GABRG1: variants seen among roughly 807,000 people sequenced by gnomAD.
The protein encoded by GABRG1 is gamma-aminobutyric acid receptor subunit gamma-1.
A neutral mutation model predicts 49.8 loss-of-function variants in GABRG1; 49 were observed. The ratio of observed to expected loss-of-function variants is 0.98; its 90% CI spans 0.78 to 1.25. The LOEUF (loss-of-function observed/expected upper bound fraction) is 1.25, where lower values mean the gene tolerates loss of function less well. Among genes scored for constraint, GABRG1 ranks in the 50% most tolerant of loss-of-function variants. GABRG1 has a pLI of 0.00. For missense variants in GABRG1, 552 were observed against 552.3 expected (o/e 1.00, Z 0.01); for synonymous variants, 232 against 185.1 (o/e 1.25, Z -2.06).
intron 7 of GABRG1, 46 bp from the exon 8 acceptor site, chr4:46,051,684 C>A (rs781246306): frequency 2.5e-6 from 3 of 1,183,812 alleles, no homozygotes; most frequent in Non-Finnish European, 3.7e-6. Flanking sequence ...TAATAGACCA[C>A]ATTTATTCTT....
intron 1 of GABRG1, among the ~76,000 whole-genome samples, chr4:46,117,485 A>G (rs989341422): frequency 6.7e-6 from 1 of 149,660 alleles, no homozygotes; most frequent in South Asian, 2.1e-4. Context: ...TAGGAAATCT[A>G]TATACAAAAA....
At chr4:46,090,911 G>A (rs1719960616) in intron 2 of GABRG1, among the ~76,000 whole-genome samples, 1 of 147,874 alleles carries the variant, frequency 6.8e-6, no homozygotes. Context: ...GGGCTATCAG[G>A]ACAGCTAGGA....
rs569005383 is a variant in GABRG1, at chr4:46,054,165, C to T, written c.917-2527G>A. On this transcript the variant is annotated intron_variant, in intron 7 of 8. Coordinates refer to ENST00000295452, the MANE Select transcript of GABRG1 (RefSeq NM_173536.4). The stretch of plus-strand genomic sequence containing the variant: ...CAAAGATCAGATAGTTGTAGATATG[C>T]GGCATTATTTCTGAGGGCTCTGTTC... Among the ~76,000 whole-genome samples, 62 of 43,202 alleles carry T rather than the reference C, an allele frequency of 1.4e-3. 10 individuals carry two copies. Among genetic ancestry groups the T allele is most frequent in the African/African-American group, 7.2e-3 (53 of 7,312 alleles). The allele number at this position is 43,202 out of a possible 152,430, so 28.3% of individuals were successfully genotyped here.
rs1717520074 is a variant in GABRG1 at position 46,036,263 on chromosome 4, T to C, written c.*4725A>G. On this transcript the variant is annotated 3_prime_UTR_variant, in exon 9 of 9. Coordinates refer to ENST00000295452, the MANE Select transcript of GABRG1 (RefSeq NM_173536.4). ...ACAGTAGACTATTTCTACCTGCAAT[T>C]CTCTTATTCTCTTTGTCCAAATATA... 1 of 151,722 alleles carries C rather than the reference T, an allele frequency of 6.6e-6. No individual in the cohort carries two copies. The highest frequency in any genetic ancestry group is 6.6e-5 in the Admixed American group (1 of 15,196). 9.4% of individuals were successfully genotyped at this position (151,722 alleles called of 1,614,324 possible). A position where few individuals can be genotyped will look rare whatever the true frequency, so the allele number is the denominator to read the frequency against.
At chr4:46,066,608 G>A (rs1475061206) in intron 3 of GABRG1, among the ~76,000 whole-genome samples, 1 of 152,110 alleles carries the variant, frequency 6.6e-6, no homozygotes, top group Non-Finnish European at 1.5e-5. Context: ...TATAATGGTG[G>A]TTATAGTGAA....
intron 8 of GABRG1, among the ~76,000 whole-genome samples, chr4:46,046,913 A>T (rs1393150369): frequency 6.6e-6 from 1 of 152,164 alleles, no homozygotes; most frequent in Non-Finnish European, 1.5e-5. Context: ...CTAACAAGAC[A>T]AAATGTAAAT....
At chr4:46,072,229 TAGTAGAC>T (rs2109414107) in intron 3 of GABRG1, among the ~76,000 whole-genome samples, 1 of 152,234 alleles carries the variant, frequency 6.6e-6, no homozygotes, top group African/African-American at 2.4e-5. Flanking sequence ...CCACAGTATG[TAGTAGAC>T]TATACCATGT....
intron 2 of GABRG1, among the ~76,000 whole-genome samples, chr4:46,085,525 A>G (rs1026920063): frequency 2.0e-5 from 3 of 151,562 alleles, no homozygotes; most frequent in African/African-American, 4.8e-5. Context: ...TTTTTGAGTT[A>G]TTCTGTTCAC....
At chr4:46,089,407 C>G (rs1163560212) in intron 2 of GABRG1, among the ~76,000 whole-genome samples, 2 of 151,910 alleles carry the variant, frequency 1.3e-5, no homozygotes, top group Admixed American at 6.6e-5. Context: ...AAACGTAGAC[C>G]AATCTTCTTT....
At chr4:46,122,499 G>A (rs879288337) in intron 1 of GABRG1, among the ~76,000 whole-genome samples, 2 of 151,372 alleles carry the variant, frequency 1.3e-5, no homozygotes, top group African/African-American at 2.4e-5. Flanking sequence ...GTTTATGTTC[G>A]TGTCAAACAT....
intron 3 of GABRG1, among the ~76,000 whole-genome samples, chr4:46,077,702 AG>A (rs1232215898): frequency 6.6e-6 from 1 of 151,886 alleles, no homozygotes; most frequent in Non-Finnish European, 1.5e-5. Context: ...TGTCTTCTGA[AG>A]AAAGGATGAC....
intron 1 of GABRG1, among the ~76,000 whole-genome samples, chr4:46,107,388 T>C (rs1016851269): frequency 6.6e-6 from 1 of 151,240 alleles, no homozygotes; most frequent in African/African-American, 2.4e-5. Flanking sequence ...TTATACATCT[T>C]ACTATTTAAT....
intron 3 of GABRG1, among the ~76,000 whole-genome samples, chr4:46,070,228 T>C (rs922568571): frequency 1.3e-5 from 2 of 152,012 alleles, no homozygotes; most frequent in Admixed American, 6.6e-5. Context: ...CTGAAAATCC[T>C]AGCACTTCAT....
intron 3 of GABRG1, among the ~76,000 whole-genome samples, chr4:46,074,050 G>T (rs929066121): frequency 3.9e-5 from 6 of 152,128 alleles, no homozygotes; most frequent in Non-Finnish European, 7.4e-5. Flanking sequence ...TGTGACAAAT[G>T]ATTGATATTC....
At chr4:46,107,411 T>C (rs1356988811) in intron 1 of GABRG1, among the ~76,000 whole-genome samples, 1 of 151,206 alleles carries the variant, frequency 6.6e-6, no homozygotes, top group Admixed American at 6.6e-5. Flanking sequence ...TTTAATGCAG[T>C]CATTCTAAAT....
At chr4:46,060,898 T>C (rs2109404754) in intron 5 of GABRG1, among the ~76,000 whole-genome samples, 1 of 152,266 alleles carries the variant, frequency 6.6e-6, no homozygotes. Flanking sequence ...CTCATGATAT[T>C]AATTTTTAAA....
chr4:46,106,855 A>G (rs1720565474), intron 1 of GABRG1, among the ~76,000 whole-genome samples: 10 of 151,140 alleles, frequency 6.6e-5, no homozygotes. Context: ...AGAATCTGTC[A>G]TGCATGGTCA....
chr4:46,045,449 A>C (rs545516048), intron 8 of GABRG1, among the ~76,000 whole-genome samples: 2 of 152,158 alleles, frequency 1.3e-5, no homozygotes, highest in African/African-American at 4.8e-5. Flanking sequence ...GAAAATAGAA[A>C]TTAATTGGAA....
intron 5 of GABRG1, among the ~76,000 whole-genome samples, chr4:46,059,559 C>T (rs1296930218): frequency 6.6e-6 from 1 of 151,644 alleles, no homozygotes; most frequent in African/African-American, 2.4e-5. Flanking sequence ...AATGGCTACC[C>T]TTTTTTTTTA....
Sources: gnomAD v4.1 joint callset for allele counts (sites outside exome capture counted in the v4.1 genomes callset) on GRCh38, gnomAD v4.1.1 for gene constraint, MANE v1.5 for transcripts, NCBI Gene and HGNC (gene_info 2026-07-23, HGNC 2026-07-21) for gene names.